Variants in ZNF124 observed in about 807,000 individuals in gnomAD.
ZNF124 encodes the protein zinc finger protein 124.
In ZNF124, 25 loss-of-function variants were observed where a neutral mutation model predicts 26.6. The observed-to-expected ratio is 0.94, with a 90% CI of 0.68 to 1.31. The LOEUF is 1.31. ZNF124 is among the 40% of genes most tolerant of loss of function. The probability of loss-of-function intolerance (pLI) is 0.00; values close to 1 mark genes in which losing one functional copy is unlikely to be tolerated. For missense variants in ZNF124, 444 were observed against 422.2 expected, an observed-to-expected ratio of 1.05 and a Z score of -0.45; for synonymous variants, 129 against 133.3, an observed-to-expected ratio of 0.97 and a Z score of 0.22.
intron 1 of ZNF124, among the ~76,000 whole-genome samples, chr1:247,160,432 C>A (rs1323331497): frequency 6.6e-6 from 1 of 152,156 alleles, no homozygotes; most frequent in Non-Finnish European, 1.5e-5. Context: ...CAAAGTCTTA[C>A]TATCTGGTGT....
chr1:247,141,915 G>A (rs1553332129), intron 3 of ZNF124, among the ~76,000 whole-genome samples: 2 of 152,202 alleles, frequency 1.3e-5, no homozygotes, highest in Non-Finnish European at 2.9e-5. Context: ...ATTCTCTGCT[G>A]ACCTGGGAGC....
At chr1:247,142,870 G>A (rs1558376980) in intron 3 of ZNF124, among the ~76,000 whole-genome samples, 1 of 148,264 alleles carries the variant, frequency 6.7e-6, no homozygotes, top group Non-Finnish European at 1.5e-5. Flanking sequence ...TATTCTATTG[G>A]CATTTTACAC....
At chr1:247,169,036 A>G (rs57757442) in intron 1 of ZNF124, among the ~76,000 whole-genome samples, 4,424 of 151,778 alleles carry the variant, frequency 0.029, 227 homozygotes, top group African/African-American at 0.1. Context: ...ATATATATAT[A>G]AAGTGGATTT....
intron 3 of ZNF124, 131 bp from the exon 4 acceptor site, chr1:247,157,534 A>G: frequency 1.3e-6 from 1 of 783,230 alleles, no homozygotes; most frequent in Non-Finnish European, 2.2e-6. Context: ...GACTTATTTA[A>G]TTTTACACAG....
chr1:247,140,357 GTTATCTT>G (rs1214183901), intron 3 of ZNF124, among the ~76,000 whole-genome samples: 2 of 152,096 alleles, frequency 1.3e-5, no homozygotes, highest in Non-Finnish European at 2.9e-5. Context: ...TTTTATATCA[GTTATCTT>G]GTCTTTCAGC....
intron 1 of ZNF124, among the ~76,000 whole-genome samples, chr1:247,161,383 A>G (rs1673469645): frequency 6.6e-6 from 1 of 152,216 alleles, no homozygotes; most frequent in African/African-American, 2.4e-5. Context: ...GAAAAAAATG[A>G]ATTGCATTGA....
In ZNF124 at chr1:247,156,500, A is replaced by G. The variant is rs41308160; in HGVS notation, c.*66T>C. On this transcript the variant is annotated 3_prime_UTR_variant, in exon 4 of 4. Coordinates refer to ENST00000543802, the MANE Select transcript of ZNF124 (RefSeq NM_001297568.2). ...AATTAAGTACTTTCCTACACCTTAC[A>G]TTCACAGTTTCTCTCAAGTATGTGA... 16,469 of 1,458,696 alleles carry G rather than the reference A, an allele frequency of 0.011. 116 individuals carry two copies. The highest frequency in any genetic ancestry group is 0.013 in the Non-Finnish European group (14,786 of 1,106,074). The allele number at this position is 1,458,696 out of a possible 1,614,324, so 90.4% of individuals were successfully genotyped here. A position where few individuals can be genotyped will look rare whatever the true frequency, so the allele number is the denominator to read the frequency against.
downstream of ZNF124, among the ~76,000 whole-genome samples, chr1:247,151,993 A>G (rs116063787): frequency 0.01 from 1,534 of 151,714 alleles, 5 homozygotes; most frequent in Middle Eastern, 0.017. Flanking sequence ...AGAATAAGTG[A>G]CTGGGATCAC....
chr1:247,158,570 A>T (rs1306419114), intron 3 of ZNF124, among the ~76,000 whole-genome samples: 3 of 152,126 alleles, frequency 2.0e-5, no homozygotes, highest in South Asian at 2.1e-4. Context: ...ATTGAAGTAT[A>T]TATTTTTGGT....
intron 1 of ZNF124, among the ~76,000 whole-genome samples, chr1:247,166,004 A>G (rs1235085262): frequency 6.6e-6 from 1 of 152,050 alleles, no homozygotes; most frequent in Non-Finnish European, 1.5e-5. Context: ...ATAGTGAGAC[A>G]TTGTCTCTAA....
chr1:247,153,146 A>C (rs1475686793), downstream of ZNF124, among the ~76,000 whole-genome samples: 1 of 151,808 alleles, frequency 6.6e-6, no homozygotes, highest in African/African-American at 2.4e-5. Context: ...AAAAAAAAAA[A>C]GGTCAAATAA....
Position 247,124,959 on chromosome 1 carries a change from G to A in ZNF124, c.219-1088C>T, listed in dbSNP as rs1672172200. 5.3e-5 allele frequency among the ~76,000 whole-genome samples: 8 copies of A among 152,080 alleles called. No individual in the cohort carries two copies. In the South Asian group the frequency reaches 1.5e-3, roughly 28 times the overall value. On this transcript the variant is annotated intron_variant, in intron 3 of 3. Coordinates refer to the ZNF124 transcript ENST00000472531. ...ACTACAGGCACACACCGCCATGCCC[G>A]GCTATTTTTTTATTTTTTTGCATTT...
intron 1 of ZNF124, among the ~76,000 whole-genome samples, chr1:247,169,241 G>GT (rs1186832619): frequency 1.3e-5 from 2 of 152,152 alleles, no homozygotes; most frequent in Non-Finnish European, 2.9e-5. Flanking sequence ...CACATGTCAA[G>GT]TAAGACCATC....
At chr1:247,137,846 C>G (rs1672524439) in intron 3 of ZNF124, among the ~76,000 whole-genome samples, 1 of 152,176 alleles carries the variant, frequency 6.6e-6, no homozygotes, top group Admixed American at 6.6e-5. Flanking sequence ...ATCTAACAAA[C>G]ACATGAACAA....
chr1:247,139,075 T>C (rs918393957), intron 3 of ZNF124, among the ~76,000 whole-genome samples: 3 of 152,250 alleles, frequency 2.0e-5, no homozygotes, highest in Non-Finnish European at 4.4e-5. Flanking sequence ...CCGATGTTCA[T>C]CTTACATATG....
chr1:247,146,921 A>T (rs527660513), intron 3 of ZNF124, among the ~76,000 whole-genome samples: 18 of 152,186 alleles, frequency 1.2e-4, no homozygotes, highest in African/African-American at 4.1e-4. Flanking sequence ...TGAGGTTAGG[A>T]GGTGACTAGC....
At chr1:247,136,757 GC>G (rs1404802903) in intron 3 of ZNF124, among the ~76,000 whole-genome samples, 1 of 152,062 alleles carries the variant, frequency 6.6e-6, no homozygotes, top group Non-Finnish European at 1.5e-5. Context: ...GACCAGCTTG[GC>G]CAACATGGTG....
intron 3 of ZNF124, among the ~76,000 whole-genome samples, chr1:247,132,486 A>G (rs1231784918): frequency 6.6e-6 from 1 of 152,192 alleles, no homozygotes; most frequent in Admixed American, 6.5e-5. Flanking sequence ...CTAATAAAAA[A>G]CTACAATGAA....
intron 1 of ZNF124, among the ~76,000 whole-genome samples, chr1:247,167,612 A>G (rs771110877): frequency 6.6e-6 from 1 of 152,200 alleles, no homozygotes; most frequent in Non-Finnish European, 1.5e-5. Context: ...ACTCAGGGGA[A>G]TGAAAATAAA....
Sources: allele counts gnomAD v4.1 joint callset (sites outside exome capture counted in the v4.1 genomes callset), GRCh38; gene constraint gnomAD v4.1.1; transcripts MANE v1.5; gene names NCBI Gene and HGNC (gene_info 2026-07-23, HGNC 2026-07-21).